The following PDE4C variants were observed in gnomAD, a reference collection of about 807,000 sequenced individuals.
PDE4C encodes 3',5'-cyclic-AMP phosphodiesterase 4C.
Under a neutral mutation model 63.9 loss-of-function variants are expected in PDE4C, and 50 were observed. The observed-to-expected ratio is 0.78, with a 90% confidence interval of 0.62 to 0.99. PDE4C has a LOEUF of 0.99. PDE4C is among the 50% of genes least tolerant of loss of function. The pLI, the probability that PDE4C is intolerant of heterozygous loss-of-function variation, is 0.00. For missense variants in PDE4C, 777 were observed against 899.1 expected (o/e 0.86, Z 1.74); for synonymous variants, 377 against 385.1 (o/e 0.98, Z 0.25).
At chr19:18,253,375 C>G in the PDE4C span, among the ~76,000 whole-genome samples, 31 of 152,046 alleles carry the variant, frequency 2.0e-4, no homozygotes, top group African/African-American at 6.7e-4. Context: ...ATAATGAGAC[C>G]TTGTCTCTAC....
chr19:18,233,419 G>A (rs1461790080), exon 1 of PDE4C: 32 of 707,802 alleles, frequency 4.5e-5, no homozygotes, highest in Non-Finnish European at 7.7e-5. Flanking sequence ...TAGAACAGGG[G>A]AGAAGAACGT....
At chr19:18,210,164 A>T (rs1352327323), downstream of PDE4C, 1 of 151,588 alleles carries the variant, frequency 6.6e-6, no homozygotes, top group Non-Finnish European at 1.5e-5. Flanking sequence ...TGGGATTCTC[A>T]GGTGCACACC....
chr19:18,248,088 C>T lies in PDE4C; in HGVS notation c.-210+83G>A, dbSNP rs1251311167. ...GGCTCTGATGGTTTCAGGGGGATTACGAGACCCCAGCACCTCTCCTGAGAC... is the reference window on the plus strand; with the variant it reads ...GGCTCTGATGGTTTCAGGGGGATTATGAGACCCCAGCACCTCTCCTGAGAC... On this transcript the variant is annotated intron_variant, in intron 1 of 15. Coordinates refer to the PDE4C transcript ENST00000594617. The T allele has an allele frequency of 3.6e-5, 16 of 438,592 alleles. 1 individual carries two copies. Among genetic ancestry groups the T allele is most frequent in the Non-Finnish European group, 6.0e-5 (13 of 217,198 alleles). 27.2% of individuals were successfully genotyped at this position (438,592 alleles called of 1,614,324 possible). A position where few individuals can be genotyped will look rare whatever the true frequency, so the allele number is the denominator to read the frequency against.
intron 12 of PDE4C, among the ~76,000 whole-genome samples, chr19:18,213,808 A>G (rs913868480): frequency 3.3e-5 from 5 of 152,164 alleles, no homozygotes; most frequent in African/African-American, 1.2e-4. Context: ...ATTGTAGTCA[A>G]TGAAACCCAC....
In PDE4C at chr19:18,220,916, G is replaced by C. The variant is rs1008223231; in HGVS notation, c.457C>G (p.Pro153Ala). 6.2e-7 allele frequency: 1 copy of C among 1,604,896 alleles called. No individual in the cohort carries two copies. Among genetic ancestry groups the C allele is most frequent in the Admixed American group, 1.7e-5 (1 of 58,142 alleles). Reference sequence around the variant, plus strand: ...TTGCTGGATGAAGGGTTTCCGACGGGTCCCTGCCTGCGGTACAGCAGCCTC... The same window carrying C: ...TTGCTGGATGAAGGGTTTCCGACGGCTCCCTGCCTGCGGTACAGCAGCCTC... Residue 153 changes from proline (P) to alanine (A), a missense_variant, in exon 5 of 15, where the codon CCC becomes GCC. Physicochemically the swap from Pro to Ala is conservative, Grantham distance 27. Coordinates refer to ENST00000262805, the Ensembl canonical transcript of PDE4C. The surrounding 1 kb of genome is among the most constrained non-coding windows in gnomAD (Gnocchi z 5.1).
At chr19:18,211,258 TGTA>T in exon 15 of PDE4C, 1 of 1,589,534 alleles carries the variant, frequency 6.3e-7, no homozygotes, top group Admixed American at 1.7e-5. Flanking sequence ...GGGTGAGCAA[TGTA>T]GTCAATGAAA....
intron 11 of PDE4C, 121 bp downstream of exon 11, chr19:18,218,028 G>T: frequency 1.3e-6 from 1 of 754,478 alleles, no homozygotes; most frequent in Non-Finnish European, 2.3e-6. Context: ...AACTGTCATA[G>T]TCATTTCATA....
upstream of PDE4C, among the ~76,000 whole-genome samples, chr19:18,248,487 G>T (rs1969174087): frequency 6.6e-6 from 1 of 151,946 alleles, no homozygotes. Flanking sequence ...GCGTAGGAGT[G>T]AGGAGGCTGG....
chr19:18,252,149 C>G, upstream of PDE4C: 1 of 399,044 alleles, frequency 2.5e-6, no homozygotes, highest in Non-Finnish European at 4.4e-6. Context: ...AGTGCGGGGT[C>G]AGGGATTCGG....
intron 12 of PDE4C, among the ~76,000 whole-genome samples, chr19:18,215,894 A>G (rs1163178374): frequency 6.8e-6 from 1 of 146,926 alleles, no homozygotes; most frequent in African/African-American, 2.5e-5. Flanking sequence ...CCGTGGTGCA[A>G]TCTCCGCTCA....
At chr19:18,237,499 C>T (rs376610179), upstream of PDE4C, among the ~76,000 whole-genome samples, 5 of 151,440 alleles carry the variant, frequency 3.3e-5, no homozygotes, top group South Asian at 2.1e-4. Flanking sequence ...TGCAGTGAGC[C>T]GAGATTATGC....
intron 1 of PDE4C, among the ~76,000 whole-genome samples, chr19:18,239,529 G>GC (rs1490003089): frequency 1.3e-5 from 2 of 152,168 alleles, no homozygotes; most frequent in Admixed American, 6.6e-5. Flanking sequence ...ACCCACGTGC[G>GC]CCAGACACAG....
exon 14 of PDE4C, chr19:18,211,797 T>C: frequency 6.2e-7 from 1 of 1,614,248 alleles, no homozygotes; most frequent in Non-Finnish European, 8.5e-7. Context: ...TTGTCACACA[T>C]GGGACTGATG....
At position 18,211,240 on chromosome 19, in the gene PDE4C, C is replaced by A; in HGVS notation, c.1732G>T (p.Glu578Ter). The change falls in exon 15 of 15, where the codon GAG (glutamate) becomes TAG (stop). Residue 578 changes from glutamate to a stop codon, truncating the protein, a stop_gained. Transcript: ENST00000262805. LOFTEE classifies it low-confidence loss of function (END_TRUNC). ...GGGTGGACCAGGTCAGCCCAAGTCT[C>A]CCACAGTGGGTGAGCAATGTAGTCA... 6.2e-7 allele frequency: 1 copy of A among 1,604,850 alleles called. No individual in the cohort carries two copies. The highest frequency in any genetic ancestry group is 8.5e-7 in the Non-Finnish European group (1 of 1,174,348).
exon 15 of PDE4C, chr19:18,210,748 C>T: frequency 9.2e-7 from 1 of 1,081,600 alleles, no homozygotes; most frequent in Non-Finnish European, 1.3e-6. Context: ...TCAGAGTGGA[C>T]CCCAGCCAGG....
chr19:18,227,515 G>T (rs189921571), upstream of PDE4C, among the ~76,000 whole-genome samples: 6 of 151,918 alleles, frequency 3.9e-5, no homozygotes, highest in African/African-American at 7.3e-5. Context: ...TCCCAGGACT[G>T]GGGGGGGCCT....
chr19:18,250,323 C>T (rs1336990902), upstream of PDE4C: 4 of 399,030 alleles, frequency 1.0e-5, no homozygotes, highest in Non-Finnish European at 1.3e-5. Context: ...ATGGACACCT[C>T]GTCCAGGTTC....
At chr19:18,250,430 C>T, upstream of PDE4C, 1 of 399,180 alleles carries the variant, frequency 2.5e-6, no homozygotes, top group Non-Finnish European at 4.4e-6. Flanking sequence ...CACCACCACA[C>T]TCGGGTTCCT....
upstream of PDE4C, chr19:18,250,145 G>A (rs998099030): frequency 1.5e-5 from 6 of 398,598 alleles, no homozygotes; most frequent in Admixed American, 1.8e-4. Context: ...CCTGGAGGTG[G>A]TGGGCAAAGG....
Sources: gnomAD v4.1 joint callset for allele counts (sites outside exome capture counted in the v4.1 genomes callset) on GRCh38, gnomAD v4.1.1 for gene constraint, Gnocchi (gnomAD v3.1) non-coding constraint, MANE v1.5 for transcripts, NCBI Gene and HGNC (gene_info 2026-07-23, HGNC 2026-07-21) for gene names.